Variants in ALKAL1 observed in about 807,000 individuals in gnomAD.
ALKAL1 encodes the protein ALK and LTK ligand 1.
A neutral mutation model predicts 13.5 loss-of-function variants in ALKAL1; 23 were observed. The observed-to-expected ratio is 1.70, with a 90% CI of 1.23 to 2.41. ALKAL1 has a LOEUF of 2.41. ALKAL1 is among the 30% of genes most tolerant of loss of function. The pLI is 0.00. For missense variants in ALKAL1, 181 were observed against 178.4 expected, an observed-to-expected ratio of 1.01 and a Z score of -0.08; for synonymous variants, 85 against 77.7, an observed-to-expected ratio of 1.09 and a Z score of -0.49.
chr8:52,551,171 T>C (rs896845877), intron 1 of ALKAL1, among the ~76,000 whole-genome samples: 1 of 152,240 alleles, frequency 6.6e-6, no homozygotes, highest in Non-Finnish European at 1.5e-5. Context: ...TTCTGTAATG[T>C]GAGGTTTTAT....
intron 4 of ALKAL1, among the ~76,000 whole-genome samples, chr8:52,536,040 G>A (rs1485158511): frequency 6.6e-6 from 1 of 152,102 alleles, no homozygotes; most frequent in Non-Finnish European, 1.5e-5. Context: ...TTGGGTTCAA[G>A]CGATTCTCCT....
At chr8:52,551,733 T>C (rs1057319051) in intron 1 of ALKAL1, among the ~76,000 whole-genome samples, 1 of 152,146 alleles carries the variant, frequency 6.6e-6, no homozygotes, top group Non-Finnish European at 1.5e-5. Context: ...TATTTATTTA[T>C]AATTATTCTT....
intron 1 of ALKAL1, among the ~76,000 whole-genome samples, chr8:52,543,063 G>C (rs1160116748): frequency 6.6e-6 from 1 of 152,144 alleles, no homozygotes; most frequent in Non-Finnish European, 1.5e-5. Context: ...CACTTGGAAG[G>C]TTTTGCACTT....
At chr8:52,535,400 A>C (rs887341237) in intron 4 of ALKAL1, among the ~76,000 whole-genome samples, 1 of 151,398 alleles carries the variant, frequency 6.6e-6, no homozygotes, top group Non-Finnish European at 1.5e-5. Context: ...AAAAAAAAAA[A>C]ATTAGATGAG....
At chr8:52,549,420 A>G (rs1292215061) in intron 1 of ALKAL1, among the ~76,000 whole-genome samples, 2 of 150,160 alleles carry the variant, frequency 1.3e-5, no homozygotes, top group Non-Finnish European at 3.0e-5. Flanking sequence ...ATAGCAGAAA[A>G]AGCTATACTA....
chr8:52,554,288 A>T (rs1437508195), intron 1 of ALKAL1, among the ~76,000 whole-genome samples: 1 of 152,248 alleles, frequency 6.6e-6, no homozygotes, highest in Non-Finnish European at 1.5e-5. Context: ...ACACCGTGAT[A>T]AGATTTTTAT....
At chr8:52,550,476 T>A (rs1212464356) in intron 1 of ALKAL1, among the ~76,000 whole-genome samples, 3 of 152,222 alleles carry the variant, frequency 2.0e-5, no homozygotes, top group African/African-American at 7.2e-5. Flanking sequence ...AAACTTTACA[T>A]ATGGAATAAG....
chr8:52,557,815 C>G (rs1405979612), intron 1 of ALKAL1, among the ~76,000 whole-genome samples: 1 of 150,882 alleles, frequency 6.6e-6, no homozygotes, highest in Non-Finnish European at 1.5e-5. Flanking sequence ...CGAAACCCAT[C>G]TCTACTAAAA....
intron 1 of ALKAL1, among the ~76,000 whole-genome samples, chr8:52,549,385 C>G (rs889768388): frequency 1.3e-5 from 2 of 150,776 alleles, no homozygotes; most frequent in East Asian, 3.9e-4. Flanking sequence ...TTCAAAATGA[C>G]AAAAAATTCA....
intron 2 of ALKAL1, among the ~76,000 whole-genome samples, chr8:52,540,403 C>T (rs1371009974): frequency 6.6e-6 from 1 of 152,068 alleles, no homozygotes; most frequent in African/African-American, 2.4e-5. Flanking sequence ...TCCCTTGTCT[C>T]TCCCTTTTAA....
At chr8:52,559,592 T>C (rs1847519479) in intron 1 of ALKAL1, among the ~76,000 whole-genome samples, 1 of 152,180 alleles carries the variant, frequency 6.6e-6, no homozygotes, top group South Asian at 2.1e-4. Context: ...CTCATACAGA[T>C]TTATTATATC....
intron 1 of ALKAL1, among the ~76,000 whole-genome samples, chr8:52,560,438 A>G (rs1199069960): frequency 2.6e-5 from 4 of 152,218 alleles, no homozygotes; most frequent in African/African-American, 9.6e-5. Flanking sequence ...ACGTTTTTCT[A>G]TCCTCCTACA....
intron 1 of ALKAL1, among the ~76,000 whole-genome samples, chr8:52,550,455 A>C (rs1847418585): frequency 6.6e-6 from 1 of 152,214 alleles, no homozygotes; most frequent in African/African-American, 2.4e-5. Flanking sequence ...AGTAGTTGCA[A>C]GCACTTTCTC....
chr8:52,538,436 A>G lies in ALKAL1; in HGVS notation c.*7T>C. On this transcript the variant is annotated 3_prime_UTR_variant, in exon 4 of 5. Transcript: ENST00000358543. ...AAAAATAAATATATACTCACAGGGT[A>G]GTTTTGCTAGGTCTGGGAGCACAGT... 1 of 1,565,374 alleles carries G rather than the reference A, an allele frequency of 6.4e-7. No homozygotes were observed. The highest frequency in any genetic ancestry group is 1.1e-5 in the South Asian group (1 of 89,284).
intron 1 of ALKAL1, among the ~76,000 whole-genome samples, chr8:52,561,076 T>TA (rs1052202343): frequency 6.6e-6 from 1 of 151,980 alleles, no homozygotes; most frequent in African/African-American, 2.4e-5. Flanking sequence ...AAATGATTTT[T>TA]AAAAAAAAGT....
chr8:52,558,645 G>T (rs1244777479), intron 1 of ALKAL1, among the ~76,000 whole-genome samples: 2 of 151,994 alleles, frequency 1.3e-5, no homozygotes, highest in Admixed American at 1.3e-4. Flanking sequence ...AGTCGGGCTC[G>T]TTTATAGGCA....
At chr8:52,563,783 A>T (rs905998921) in intron 1 of ALKAL1, among the ~76,000 whole-genome samples, 4 of 151,972 alleles carry the variant, frequency 2.6e-5, no homozygotes, top group Admixed American at 2.6e-4. Flanking sequence ...TTGTCCACAC[A>T]CCAGCTGGGC....
chr8:52,551,463 ATTTT>A (rs531619339), intron 1 of ALKAL1, among the ~76,000 whole-genome samples: 1 of 130,386 alleles, frequency 7.7e-6, no homozygotes. Context: ...CGGCTAATTC[ATTTT>A]TTTTTTTTTT....
At chr8:52,543,623 AAGC>A (rs1847336381) in intron 1 of ALKAL1, among the ~76,000 whole-genome samples, 1 of 152,222 alleles carries the variant, frequency 6.6e-6, no homozygotes, top group Non-Finnish European at 1.5e-5. Context: ...CTGAAAAACA[AAGC>A]AGCAGTAAAA....
Sources: gnomAD v4.1 joint callset for allele counts (sites outside exome capture counted in the v4.1 genomes callset) on GRCh38, gnomAD v4.1.1 for gene constraint, MANE v1.5 for transcripts, NCBI Gene and HGNC (gene_info 2026-07-23, HGNC 2026-07-21) for gene names.